SNCAIP: variants seen among roughly 807,000 people sequenced by gnomAD.
SNCAIP encodes synuclein alpha interacting protein, also known as synphilin-1.
SNCAIP carries 43 observed loss-of-function variants against 86.7 expected under a neutral mutation model. The ratio of observed to expected loss-of-function variants is 0.50; its 90% CI spans 0.39 to 0.64. The LOEUF (loss-of-function observed/expected upper bound fraction) is 0.64. Ranked by LOEUF, SNCAIP falls within the 30% of genes least tolerant of loss-of-function variation. SNCAIP has a pLI of 0.00. For missense variants in SNCAIP, 981 were observed against 1,103.1 expected (o/e 0.89, Z 1.57); for synonymous variants, 417 against 427.2 (o/e 0.98, Z 0.29).
intron 5 of SNCAIP, 62 bp downstream of exon 5, chr5:122,425,593 C>G: frequency 7.2e-7 from 1 of 1,381,080 alleles, no homozygotes; most frequent in East Asian, 2.3e-5. Context: ...TTTAAGATTC[C>G]TTGTGAGCTA....
chr5:122,374,843 A>G (rs1359457188), intron 1 of SNCAIP, among the ~76,000 whole-genome samples: 1 of 152,162 alleles, frequency 6.6e-6, no homozygotes, highest in Non-Finnish European at 1.5e-5. Context: ...AATACTTCCT[A>G]GCTGAATTTT....
At chr5:122,361,902 G>T (rs182906129) in intron 1 of SNCAIP, among the ~76,000 whole-genome samples, 1 of 152,254 alleles carries the variant, frequency 6.6e-6, no homozygotes, top group East Asian at 1.9e-4. Context: ...TGTAAAATTG[G>T]CCAGTAATGA....
In SNCAIP at chr5:122,450,875, T is replaced by A. The variant is rs751182572; in HGVS notation, c.2028T>A (p.Ser676Arg). The change falls in exon 10 of 11, where the codon AGT (serine) becomes AGA (arginine). Residue 676 changes from serine to arginine, a missense_variant. By Grantham distance (110) the Ser-to-Arg change is moderately radical. Transcript: ENST00000261368. Reference protein sequence around the residue: ...RLRQLMQRSLSESDTDSNNSE... With the variant: ...RLRQLMQRSLRESDTDSNNSE... The stretch of plus-strand genomic sequence containing the variant: ...GACAGCTGATGCAGAGGTCACTGAG[T>A]GAGTCTGACACAGACTCCAACAACT... 13 of 1,613,802 alleles carry A rather than the reference T, an allele frequency of 8.1e-6. 1 individual carries two copies. The South Asian group carries it at 1.3e-4, about 16-fold the overall frequency.
chr5:122,365,943 G>C (rs908579003), intron 1 of SNCAIP, among the ~76,000 whole-genome samples: 1 of 152,106 alleles, frequency 6.6e-6, no homozygotes, highest in African/African-American at 2.4e-5. Flanking sequence ...ACCTAGACTT[G>C]AAGTCAGGTG....
intron 1 of SNCAIP, among the ~76,000 whole-genome samples, chr5:122,381,443 G>A (rs1025737504): frequency 7.7e-5 from 11 of 142,634 alleles, no homozygotes; most frequent in African/African-American, 1.6e-4. Context: ...GTCTCTGCAC[G>A]TGAGATGGGT....
chr5:122,408,072 T>A (rs1274678219), intron 3 of SNCAIP, among the ~76,000 whole-genome samples: 2 of 152,238 alleles, frequency 1.3e-5, no homozygotes, highest in East Asian at 1.9e-4. Flanking sequence ...CTTCTCCAGA[T>A]GAACATTTCC....
At chr5:122,461,004 A>G (rs1288248491) in intron 10 of SNCAIP, among the ~76,000 whole-genome samples, 1 of 151,840 alleles carries the variant, frequency 6.6e-6, no homozygotes, top group African/African-American at 2.4e-5. Flanking sequence ...TTTCCTTTCT[A>G]TTTTGTTTAT....
intron 1 of SNCAIP, among the ~76,000 whole-genome samples, chr5:122,319,230 T>TAA (rs199924468): frequency 2.8e-5 from 4 of 144,114 alleles, no homozygotes; most frequent in Admixed American, 1.4e-4. Flanking sequence ...ATCAATCCTA[T>TAA]AAAAAAAAAA....
chr5:122,400,959 G>A, intron 2 of SNCAIP: 2 of 1,529,580 alleles, frequency 1.3e-6, no homozygotes, highest in Non-Finnish European at 1.8e-6. Flanking sequence ...TTAACTGCAA[G>A]CCCCCTCTTC....
intron 6 of SNCAIP, among the ~76,000 whole-genome samples, chr5:122,437,889 A>G (rs1394935559): frequency 1.3e-5 from 2 of 152,174 alleles, no homozygotes; most frequent in Admixed American, 6.5e-5. Flanking sequence ...GATTTCCACA[A>G]TGGGAACATT....
At chr5:122,442,414 G>A (rs1174196003) in intron 7 of SNCAIP, among the ~76,000 whole-genome samples, 2 of 152,112 alleles carry the variant, frequency 1.3e-5, no homozygotes, top group Non-Finnish European at 2.9e-5. Flanking sequence ...ACTGCTGTTT[G>A]GAGAACTCAC....
chr5:122,344,395 G>T (rs187344763), intron 1 of SNCAIP, among the ~76,000 whole-genome samples: 1 of 152,206 alleles, frequency 6.6e-6, no homozygotes, highest in Non-Finnish European at 1.5e-5. Flanking sequence ...TCTACTTAAT[G>T]GTTTTATAAT....
intron 2 of SNCAIP, among the ~76,000 whole-genome samples, chr5:122,401,831 A>G (rs181569997): frequency 2.2e-4 from 33 of 152,330 alleles, no homozygotes; most frequent in Admixed American, 5.9e-4. Context: ...AAAACTTACT[A>G]TACACTATGG....
At chr5:122,428,076 C>G (rs546420908) in intron 5 of SNCAIP, among the ~76,000 whole-genome samples, 1 of 152,244 alleles carries the variant, frequency 6.6e-6, no homozygotes, top group Admixed American at 6.5e-5. Context: ...AGTCTGTTTT[C>G]TAAAACAGGA....
At chr5:122,462,913 G>A (rs757707973) in intron 10 of SNCAIP, among the ~76,000 whole-genome samples, 1 of 152,150 alleles carries the variant, frequency 6.6e-6, no homozygotes, top group Non-Finnish European at 1.5e-5. Flanking sequence ...TCCAAGGCTC[G>A]AGTTTGTACT....
At chr5:122,381,845 T>C (rs1766899456) in intron 1 of SNCAIP, among the ~76,000 whole-genome samples, 1 of 152,220 alleles carries the variant, frequency 6.6e-6, no homozygotes, top group South Asian at 2.1e-4. Flanking sequence ...AAAATTCTTG[T>C]CTTTAAGAAT....
intron 1 of SNCAIP, among the ~76,000 whole-genome samples, chr5:122,358,306 T>A (rs987368410): frequency 1.3e-5 from 2 of 149,542 alleles, no homozygotes; most frequent in Non-Finnish European, 3.0e-5. Context: ...GCTGCACCCA[T>A]TAACTCGTCA....
intron 1 of SNCAIP, among the ~76,000 whole-genome samples, chr5:122,335,757 G>A (rs1031990012): frequency 3.9e-5 from 6 of 152,218 alleles, no homozygotes; most frequent in African/African-American, 1.2e-4. Flanking sequence ...ATTGTACTGA[G>A]TTGGAGCAAG....
intron 1 of SNCAIP, among the ~76,000 whole-genome samples, chr5:122,380,594 G>C (rs1766504065): frequency 6.7e-6 from 1 of 149,524 alleles, no homozygotes; most frequent in Non-Finnish European, 1.5e-5. Flanking sequence ...TTTTGAATGT[G>C]TTTGCTCTTG....
Sources: allele counts gnomAD v4.1 joint callset (sites outside exome capture counted in the v4.1 genomes callset), GRCh38; gene constraint gnomAD v4.1.1; transcripts MANE v1.5; gene names NCBI Gene and HGNC (gene_info 2026-07-23, HGNC 2026-07-21).